PSG1: variants seen among roughly 807,000 people sequenced by gnomAD.
PSG1 encodes pregnancy specific beta-1-glycoprotein 1.
PSG1 carries 60 observed loss-of-function variants against 41.4 expected under a neutral mutation model. That is an observed-to-expected ratio of 1.45 (90% CI 1.18 to 1.80). PSG1 has a LOEUF of 1.80. Among genes scored for constraint, PSG1 ranks in the 40% most tolerant of loss-of-function variants. The pLI is 0.00. For missense variants in PSG1, 806 were observed against 516.9 expected, an observed-to-expected ratio of 1.56 and a Z score of -5.42; for synonymous variants, 256 against 192.9, an observed-to-expected ratio of 1.33 and a Z score of -2.71.
chr19:42,869,337 A>C, intron 3 of PSG1: 1 of 531,802 alleles, frequency 1.9e-6, no homozygotes, highest in Non-Finnish European at 3.1e-6. Context: ...GCCCTCCCTA[A>C]TCAGTTGACT....
chr19:42,868,681 G>A (rs1971244555), intron 4 of PSG1, 75 bp downstream of exon 4: 1 of 1,595,518 alleles, frequency 6.3e-7, no homozygotes, highest in Admixed American at 1.7e-5. Flanking sequence ...ACCGGAGAGA[G>A]ACTGAGAGGC....
In PSG1 at chr19:42,866,627, C is replaced by T; in HGVS notation, c.*507G>A. The T allele has an allele frequency of 4.4e-6, 1 of 228,430 alleles. No individual in the cohort carries two copies. 14.2% of individuals were successfully genotyped at this position (228,430 alleles called of 1,614,324 possible). A position where few individuals can be genotyped will look rare whatever the true frequency, so the allele number is the denominator to read the frequency against. The stretch of plus-strand genomic sequence containing the variant: ...GTCTTCATACAAACCATCTTCTCTG[C>T]AAACACACAGGCAATATCTCTGTGT... On this transcript the variant is annotated 3_prime_UTR_variant, in exon 6 of 6. Coordinates refer to ENST00000436291, the MANE Select transcript of PSG1 (RefSeq NM_001184825.2).
intron 2 of PSG1, among the ~76,000 whole-genome samples, chr19:42,875,473 G>A (rs1655343021): frequency 6.6e-6 from 1 of 151,632 alleles, no homozygotes; most frequent in African/African-American, 2.4e-5. Context: ...ACGTGAGATT[G>A]GTCTTTTGAG....
At chr19:42,873,213 C>T (rs900552436) in intron 2 of PSG1, among the ~76,000 whole-genome samples, 5 of 151,698 alleles carry the variant, frequency 3.3e-5, no homozygotes, top group Admixed American at 1.3e-4. Context: ...ATGCAGAAAG[C>T]TTGAAACTAA....
At chr19:42,878,388 G>A in intron 1 of PSG1, 110 bp from the exon 2 acceptor site, 1 of 1,370,742 alleles carries the variant, frequency 7.3e-7, no homozygotes, top group Middle Eastern at 2.1e-4. Flanking sequence ...TGACAACACA[G>A]ACACACACAC....
At position 42,871,979 on chromosome 19, in the gene PSG1, C is replaced by A. The variant is rs757930979; in HGVS notation, c.497G>T (p.Ser166Ile). Residue 166 changes from serine to isoleucine, a missense_variant, in exon 3 of 6, where the codon AGC becomes ATC. Physicochemically the swap from Ser to Ile is moderately radical, Grantham distance 142. Coordinates refer to ENST00000436291, the MANE Select transcript of PSG1 (RefSeq NM_001184825.2). ...TGGAGTCTCAGGGTCACAGGTTAAG[C>A]TCACAGCCTCCATGGTCTCCCTGGG... ...LNPRETMEAV[S>I]LTCDPETPDA... is the part of the protein sequence containing the mutation. 181 of 1,612,386 alleles carry A rather than the reference C, an allele frequency of 1.1e-4. 10 individuals are homozygous for A. The highest frequency in any genetic ancestry group is 1.5e-4 in the Non-Finnish European group (172 of 1,179,218).
At chr19:42,876,566 C>T (rs532028417) in intron 2 of PSG1, among the ~76,000 whole-genome samples, 1 of 151,508 alleles carries the variant, frequency 6.6e-6, no homozygotes, top group Admixed American at 6.6e-5. Context: ...GAGTGTGTGT[C>T]TCTCTCGCTG....
Position 42,871,872 on chromosome 19 carries a change from G to C in PSG1, c.604C>G (p.Leu202Val). The C allele has an allele frequency of 6.2e-7, 1 of 1,612,534 alleles. No individual in the cohort carries two copies. Among genetic ancestry groups the C allele is most frequent in the Non-Finnish European group, 8.5e-7 (1 of 1,179,244 alleles). Residue 202 changes from leucine (L) to valine (V), a missense_variant, in exon 3 of 6, where the codon CTC becomes GTC. Transcript: ENST00000436291. Reference protein sequence around the residue: ...SLKLSETNRTLFLLGVTKYTA... With the variant: ...SLKLSETNRTVFLLGVTKYTA... ...TACTTTGTGACACCCAATAGAAAGA[G>C]GGTCCTGTTGGTTTCGGACAGCTTC...
In PSG1 at chr19:42,871,856, A is replaced by G. The variant is rs759448642; in HGVS notation, c.620T>C (p.Val207Ala). The G allele has an allele frequency of 1.2e-6, 2 of 1,612,422 alleles. No individual in the cohort carries two copies. Among genetic ancestry groups the G allele is most frequent in the African/African-American group, 1.3e-5 (1 of 74,644 alleles). Residue 207 changes from valine to alanine, a missense_variant, in exon 3 of 6, where the codon GTC becomes GCC. Val to Ala is a moderately conservative substitution (Grantham distance 64). Coordinates refer to ENST00000436291, the MANE Select transcript of PSG1 (RefSeq NM_001184825.2). ...ATAGGGTCCTGCAGTATACTTTGTG[A>G]CACCCAATAGAAAGAGGGTCCTGTT... is the stretch of plus-strand genomic sequence containing the variant. ...ETNRTLFLLG[V>A]TKYTAGPYEC...
In PSG1 at chr19:42,872,015, C is replaced by G. The variant is rs542714549; in HGVS notation, c.461G>C (p.Ser154Thr). ...CATGGTCTCCCTGGGATTTAAGTTG[C>G]TGCTGGAGATGGAGGGCTTAGGAGT... Reference protein sequence around the residue: ...LETPKPSISSSNLNPRETMEA... With the variant: ...LETPKPSISSTNLNPRETMEA... The change falls in exon 3 of 6, where the codon AGC (serine) becomes ACC (threonine). Residue 154 changes from serine to threonine, a missense_variant. Physicochemically the swap from Ser to Thr is moderately conservative, Grantham distance 58. Transcript: ENST00000436291. The G allele has an allele frequency of 2.4e-5, 38 of 1,612,264 alleles. 2 individuals carry two copies. Among genetic ancestry groups the G allele is most frequent in the South Asian group, 9.9e-5 (9 of 90,778 alleles).
At chr19:42,879,142 CT>C (rs1242789439) in intron 1 of PSG1, among the ~76,000 whole-genome samples, 3 of 141,568 alleles carry the variant, frequency 2.1e-5, no homozygotes, top group South Asian at 2.4e-4. Flanking sequence ...GCCTTCTTTC[CT>C]TTTTTTCTTT....
chr19:42,877,515 G>T (rs8111114), intron 2 of PSG1, among the ~76,000 whole-genome samples: 53,584 of 151,420 alleles, frequency 0.35, 11,031 homozygotes, highest in African/African-American at 0.51. Context: ...TTAGGGACAA[G>T]GGTCTGGGGT....
intron 1 of PSG1, among the ~76,000 whole-genome samples, chr19:42,878,741 A>G (rs1401779849): frequency 1.3e-5 from 2 of 149,386 alleles, no homozygotes; most frequent in Non-Finnish European, 3.0e-5. Context: ...ATCTCTTTGC[A>G]TGTCTGTCTT....
At chr19:42,870,139 A>T (rs865985322) in intron 3 of PSG1, 2 of 151,814 alleles carry the variant, frequency 1.3e-5, no homozygotes, top group African/African-American at 4.8e-5. Flanking sequence ...CAAGGTGGGG[A>T]GGTTCTAGAG....
At position 42,868,121 on chromosome 19, in the gene PSG1, G is replaced by A. The variant is rs749603873; in HGVS notation, c.1223C>T (p.Ser408Phe). The change falls in exon 5 of 6, where the codon TCC becomes TTC. Residue 408 changes from serine (S) to phenylalanine (F), a missense_variant. Transcript: ENST00000436291. ...CTTACCAGAGACTTCGACTGTCATG[G>A]ATTTGGAGCTTTCCTTGCCAGTGGC... ...NSATGKESSK[S>F]MTVEVSDWTV... 7 of 1,612,378 alleles carry A rather than the reference G, an allele frequency of 4.3e-6. No homozygotes were observed. In the South Asian group the frequency reaches 6.6e-5, roughly 15 times the overall value.
In PSG1 at chr19:42,878,185, A is replaced by G; in HGVS notation, c.158T>C (p.Leu53Pro). Residue 53 changes from leucine to proline, a missense_variant, in exon 2 of 6, where the codon CTA (leucine) becomes CCA (proline). Transcript: ENST00000436291. ...TKVSEGKDVL[L>P]LVHNLPQNLT... ...ATTCTGGGGCAAATTGTGGACAAGT[A>G]GAAGAACATCCTTCCCCTCGGAAAC... The G allele has an allele frequency of 1.2e-6, 2 of 1,612,260 alleles. No individual in the cohort carries two copies. Among genetic ancestry groups the G allele is most frequent in the Non-Finnish European group, 1.7e-6 (2 of 1,179,146 alleles).
intron 5 of PSG1, chr19:42,867,673 C>A (rs770029804): frequency 2.6e-6 from 2 of 766,924 alleles, no homozygotes; most frequent in Admixed American, 3.9e-5. Context: ...AATTCTGGGG[C>A]AGTCAGGTAG....
rs140163320 is a variant in PSG1 at position 42,868,272 on chromosome 19, A to T, written c.1072T>A (p.Ser358Thr). 8.1e-6 allele frequency: 13 copies of T among 1,612,250 alleles called. No homozygotes were observed. The Middle Eastern group carries it at 4.9e-4, about 61-fold the overall frequency. ...EVLYLSCSAD[S>T]NPPAQYSWTI... ...CAAGAATACTGTGCCGGTGGGTTAG[A>T]GTCCGCAGAACAGGACAAGTAGAGG... Residue 358 changes from serine to threonine, a missense_variant, in exon 5 of 6, where the codon TCT (serine) becomes ACT (threonine). Coordinates refer to ENST00000436291, the MANE Select transcript of PSG1 (RefSeq NM_001184825.2).
At chr19:42,876,604 G>A in intron 2 of PSG1, 2 of 335,318 alleles carry the variant, frequency 6.0e-6, no homozygotes, top group Non-Finnish European at 1.2e-5. Context: ...AGTGTGAGTG[G>A]GGAAAGAAAA....
Sources: gnomAD v4.1 joint callset for allele counts (sites outside exome capture counted in the v4.1 genomes callset) on GRCh38, gnomAD v4.1.1 for gene constraint, MANE v1.5 for transcripts, NCBI Gene and HGNC (gene_info 2026-07-23, HGNC 2026-07-21) for gene names.